The following ADK variants were observed in gnomAD, a reference collection of about 807,000 sequenced individuals.
ADK encodes the protein N6,N6-dimethyladenosine kinase.
ADK carries 24 observed loss-of-function variants against 44.7 expected under a neutral mutation model. That is an observed-to-expected ratio of 0.54 (90% CI 0.39 to 0.76). The LOEUF (loss-of-function observed/expected upper bound fraction) is 0.76. Ranked by LOEUF, ADK falls within the 30% of genes least tolerant of loss-of-function variation. The probability of loss-of-function intolerance (pLI) is 0.00; values close to 1 mark genes in which losing one functional copy is unlikely to be tolerated. For missense variants in ADK, 321 were observed against 425.1 expected (o/e 0.76, Z 2.15); for synonymous variants, 128 against 142.6 (o/e 0.90, Z 0.73).
At chr10:74,607,563 C>T (rs1277346895) in intron 9 of ADK, among the ~76,000 whole-genome samples, 1 of 152,184 alleles carries the variant, frequency 6.6e-6, no homozygotes, top group Admixed American at 6.5e-5. Context: ...TTGGTCCTCA[C>T]TCTCTTCTGG....
intron 6 of ADK, among the ~76,000 whole-genome samples, chr10:74,518,043 A>G (rs1267802683): frequency 6.6e-6 from 1 of 152,220 alleles, no homozygotes; most frequent in Non-Finnish European, 1.5e-5. Context: ...AACAAAATGT[A>G]TTTTATACTT....
intron 3 of ADK, among the ~76,000 whole-genome samples, chr10:74,280,986 G>C (rs1017595286): frequency 3.3e-5 from 5 of 152,148 alleles, no homozygotes; most frequent in African/African-American, 7.2e-5. Flanking sequence ...TACCACACTG[G>C]TTTATATACA....
chr10:74,419,790 A>G (rs1174410976), intron 6 of ADK, among the ~76,000 whole-genome samples: 2 of 152,200 alleles, frequency 1.3e-5, no homozygotes, highest in African/African-American at 4.8e-5. Context: ...TGTAAGTTTT[A>G]CATTTGGCAG....
intron 4 of ADK, among the ~76,000 whole-genome samples, chr10:74,337,795 T>A (rs1048618077): frequency 6.7e-6 from 1 of 149,494 alleles, no homozygotes; most frequent in African/African-American, 2.5e-5. Context: ...AGAGTCTTGC[T>A]CTTGTAGCCC....
chr10:74,187,510 A>G (rs1842801455), intron 1 of ADK, among the ~76,000 whole-genome samples: 1 of 151,502 alleles, frequency 6.6e-6, no homozygotes, highest in African/African-American at 2.4e-5. Context: ...ATACACACAC[A>G]CACACACTCT....
At chr10:74,695,815 T>C (rs1856176416) in intron 10 of ADK, among the ~76,000 whole-genome samples, 2 of 152,020 alleles carry the variant, frequency 1.3e-5, no homozygotes, top group South Asian at 4.1e-4. Context: ...AATTTCTGTA[T>C]TTTTTGTAGA....
At chr10:74,407,562 A>G (rs966152136) in intron 6 of ADK, among the ~76,000 whole-genome samples, 3 of 152,002 alleles carry the variant, frequency 2.0e-5, no homozygotes, top group East Asian at 1.9e-4. Flanking sequence ...TTCCTCATAC[A>G]TGTGTACTGA....
intron 7 of ADK, among the ~76,000 whole-genome samples, chr10:74,545,085 G>A (rs1242185207): frequency 1.3e-5 from 2 of 151,700 alleles, no homozygotes; most frequent in African/African-American, 4.8e-5. Context: ...CTGTGTTCAG[G>A]GTCATACAGA....
At chr10:74,662,218 G>A (rs1564841447) in intron 9 of ADK, among the ~76,000 whole-genome samples, 1 of 152,144 alleles carries the variant, frequency 6.6e-6, no homozygotes, top group Non-Finnish European at 1.5e-5. Flanking sequence ...TTGGTAAGTA[G>A]CGTTATTGAC....
In ADK at chr10:74,316,892, C is replaced by CT. The variant is rs3037395; in HGVS notation, c.273+2157dup. Among the ~76,000 whole-genome samples the CT allele has an allele frequency of 3.9e-3, 587 of 151,250 alleles. 5 individuals carry two copies. Among genetic ancestry groups the CT allele is most frequent in the African/African-American group, 0.011 (453 of 41,188 alleles). On this transcript the variant is annotated intron_variant, in intron 4 of 10. Coordinates refer to ENST00000539909, the MANE Select transcript of ADK (RefSeq NM_006721.4). ...CATTGCCTACTTTTATTCTTTTGCACTTTTTTTTTTACAATATTTCACATT... is the reference window on the plus strand; with the variant it reads ...CATTGCCTACTTTTATTCTTTTGCACTTTTTTTTTTTACAATATTTCACATT...
At chr10:74,597,202 A>G (rs1307310683) in intron 8 of ADK, among the ~76,000 whole-genome samples, 50 of 152,190 alleles carry the variant, frequency 3.3e-4, no homozygotes. Context: ...AAATTGCATT[A>G]AGCTATTTCA....
intron 6 of ADK, among the ~76,000 whole-genome samples, chr10:74,415,491 A>C (rs1213997721): frequency 6.6e-6 from 1 of 152,174 alleles, no homozygotes; most frequent in Non-Finnish European, 1.5e-5. Flanking sequence ...CAATATATTT[A>C]CTGAAGATAT....
At chr10:74,518,729 T>C (rs1260417068) in intron 6 of ADK, among the ~76,000 whole-genome samples, 1 of 152,178 alleles carries the variant, frequency 6.6e-6, no homozygotes, top group African/African-American at 2.4e-5. Context: ...CATCTAACCA[T>C]ATTACCAAAT....
At chr10:74,502,757 G>A (rs1847925854) in intron 6 of ADK, among the ~76,000 whole-genome samples, 2 of 152,066 alleles carry the variant, frequency 1.3e-5, no homozygotes, top group Admixed American at 1.3e-4. Flanking sequence ...GAAAGCAGCA[G>A]CAATTAAAGC....
chr10:74,330,571 A>G (rs536479673), intron 4 of ADK, among the ~76,000 whole-genome samples: 2 of 152,248 alleles, frequency 1.3e-5, no homozygotes, highest in East Asian at 1.9e-4. Flanking sequence ...ATGGTGTGCT[A>G]TTTCTGAGGC....
At chr10:74,467,256 A>T (rs1733641665) in intron 6 of ADK, among the ~76,000 whole-genome samples, 1 of 152,144 alleles carries the variant, frequency 6.6e-6, no homozygotes, top group South Asian at 2.1e-4. Context: ...TTTGAACAAC[A>T]TTTTAACACG....
intron 7 of ADK, among the ~76,000 whole-genome samples, chr10:74,546,119 T>A (rs1310596530): frequency 6.6e-6 from 1 of 152,230 alleles, no homozygotes; most frequent in Non-Finnish European, 1.5e-5. Context: ...ATCTTTCTTG[T>A]TATGTGGAAC....
intron 2 of ADK, among the ~76,000 whole-genome samples, chr10:74,218,038 T>C (rs1409089034): frequency 1.3e-5 from 2 of 151,684 alleles, no homozygotes; most frequent in Non-Finnish European, 2.9e-5. Context: ...CTTTGACGAG[T>C]TGAAAGAAGA....
chr10:74,224,804 G>A (rs913295827), intron 3 of ADK, among the ~76,000 whole-genome samples: 11 of 152,188 alleles, frequency 7.2e-5, no homozygotes, highest in African/African-American at 2.2e-4. Context: ...CACATTAAAA[G>A]ATGTAGTGTT....
Sources: allele counts gnomAD v4.1 joint callset (sites outside exome capture counted in the v4.1 genomes callset), GRCh38; gene constraint gnomAD v4.1.1; transcripts MANE v1.5; gene names NCBI Gene and HGNC (gene_info 2026-07-23, HGNC 2026-07-21).